The following KCNH1 variants were observed in gnomAD, a reference collection of about 807,000 sequenced individuals.
KCNH1 encodes potassium voltage-gated channel subfamily H member 1, also known as voltage-gated delayed rectifier potassium channel KCNH1.
In KCNH1, 27 loss-of-function variants were observed where a neutral mutation model predicts 69.2. The ratio of observed to expected loss-of-function variants is 0.39; its 90% CI spans 0.29 to 0.54. KCNH1 has a LOEUF of 0.54. Among genes scored for constraint, KCNH1 ranks in the 20% least tolerant of loss-of-function variants. KCNH1 has a pLI of 0.68. For missense variants in KCNH1, 798 were observed against 1,261.6 expected, an observed-to-expected ratio of 0.63 and a Z score of 5.57; for synonymous variants, 456 against 487.7, an observed-to-expected ratio of 0.93 and a Z score of 0.86.
At chr1:210,859,961 C>T (rs547062072) in intron 7 of KCNH1, 1 of 1,587,524 alleles carries the variant, frequency 6.3e-7, no homozygotes, top group Non-Finnish European at 8.6e-7. Context: ...GTTCACTTGT[C>T]TTAACCTCTC....
At chr1:210,824,690 A>G (rs1685000740) in intron 7 of KCNH1, among the ~76,000 whole-genome samples, 1 of 152,190 alleles carries the variant, frequency 6.6e-6, no homozygotes, top group African/African-American at 2.4e-5. Context: ...TTTTCAGGTA[A>G]CTAGGGATAG....
At chr1:210,711,866 CT>C (rs1242966596) in intron 10 of KCNH1, among the ~76,000 whole-genome samples, 1 of 152,184 alleles carries the variant, frequency 6.6e-6, no homozygotes, top group Non-Finnish European at 1.5e-5. Context: ...CAGTGGGGAA[CT>C]TGTGGCTCTC....
At chr1:210,754,197 G>T (rs1277897590) in intron 10 of KCNH1, among the ~76,000 whole-genome samples, 3 of 152,052 alleles carry the variant, frequency 2.0e-5, no homozygotes, top group Non-Finnish European at 4.4e-5. Context: ...GGGATTACAG[G>T]CATGAGCCAC....
At chr1:210,918,491 C>T (rs1044015969) in intron 7 of KCNH1, among the ~76,000 whole-genome samples, 5 of 152,188 alleles carry the variant, frequency 3.3e-5, no homozygotes, top group African/African-American at 1.2e-4. Flanking sequence ...CCAGTTAGGT[C>T]CCTTCCTACA....
chr1:210,989,297 C>T (rs1043078875), intron 6 of KCNH1, among the ~76,000 whole-genome samples: 1 of 152,106 alleles, frequency 6.6e-6, no homozygotes, highest in Non-Finnish European at 1.5e-5. Context: ...GAAGCAAAAA[C>T]AAAGGCAAAA....
At chr1:210,897,341 G>A (rs1686890481) in intron 7 of KCNH1, among the ~76,000 whole-genome samples, 1 of 152,204 alleles carries the variant, frequency 6.6e-6, no homozygotes. Flanking sequence ...GGAGATAATG[G>A]AGTGTCTGGC....
At chr1:210,983,975 A>C (rs1247492879) in intron 6 of KCNH1, among the ~76,000 whole-genome samples, 1 of 152,102 alleles carries the variant, frequency 6.6e-6, no homozygotes, top group Non-Finnish European at 1.5e-5. Flanking sequence ...TTGTCCTTGA[A>C]GGGGTCCTTC....
chr1:210,963,581 T>G (rs890144206), intron 6 of KCNH1, among the ~76,000 whole-genome samples: 14 of 152,012 alleles, frequency 9.2e-5, no homozygotes, highest in Admixed American at 7.9e-4. Flanking sequence ...AACAACCAGT[T>G]TATAGAAGAA....
intron 6 of KCNH1, among the ~76,000 whole-genome samples, chr1:210,995,284 T>A (rs937407071): frequency 1.3e-5 from 2 of 152,198 alleles, no homozygotes; most frequent in African/African-American, 2.4e-5. Flanking sequence ...GAACATAAAC[T>A]TGATGACTAG....
At chr1:211,031,287 G>A (rs1216165548) in intron 5 of KCNH1, among the ~76,000 whole-genome samples, 36 of 152,114 alleles carry the variant, frequency 2.4e-4, no homozygotes, top group Admixed American at 2.4e-3. Flanking sequence ...GAACCAGATG[G>A]ATTCACAGCC....
chr1:211,129,138 G>A (rs1029661133), intron 1 of KCNH1, among the ~76,000 whole-genome samples: 1 of 152,108 alleles, frequency 6.6e-6, no homozygotes, highest in African/African-American at 2.4e-5. Context: ...ACAGTTACAG[G>A]TGTGGCCACT....
chr1:210,795,545 C>T (rs1249561327), intron 9 of KCNH1, among the ~76,000 whole-genome samples: 1 of 152,138 alleles, frequency 6.6e-6, no homozygotes, highest in Non-Finnish European at 1.5e-5. Flanking sequence ...CAAATGTAAT[C>T]AAGAGAGTCA....
intron 10 of KCNH1, among the ~76,000 whole-genome samples, chr1:210,766,355 G>A (rs527276489): frequency 7.4e-4 from 112 of 152,186 alleles, no homozygotes; most frequent in Middle Eastern, 3.4e-3. Flanking sequence ...GAGAAACCCC[G>A]TCTCTACTAA....
intron 7 of KCNH1, among the ~76,000 whole-genome samples, chr1:210,899,143 A>C (rs1001059583): frequency 6.6e-6 from 1 of 152,158 alleles, no homozygotes; most frequent in African/African-American, 2.4e-5. Flanking sequence ...GGGTCCTTAC[A>C]TTCAAAATTA....
At chr1:210,861,741 A>T in intron 7 of KCNH1, 1 of 774,472 alleles carries the variant, frequency 1.3e-6, no homozygotes, top group Non-Finnish European at 2.4e-6. Flanking sequence ...GGATAAAATG[A>T]TCCTTTAGAA....
chr1:210,986,336 C>T lies in KCNH1; in HGVS notation c.1032+32447G>A, dbSNP rs1353928500. On this transcript the variant is annotated intron_variant, in intron 6 of 10. Transcript: ENST00000271751. Reference sequence around the variant, plus strand: ...TTTGATCCTGTCATTATGATGTTAGCTGATTATTTTGCTCATTAGTTGATG... The same window carrying T: ...TTTGATCCTGTCATTATGATGTTAGTTGATTATTTTGCTCATTAGTTGATG... Among the ~76,000 whole-genome samples, 5 of 152,300 alleles carry T rather than the reference C, an allele frequency of 3.3e-5. No homozygotes were observed. The East Asian group carries it at 9.6e-4, about 29-fold the overall frequency.
At chr1:211,107,483 C>T in intron 1 of KCNH1, 106 bp from the exon 2 acceptor site, 1 of 1,147,182 alleles carries the variant, frequency 8.7e-7, no homozygotes, top group Non-Finnish European at 1.2e-6. Context: ...TTTCTGATTC[C>T]CTCCAAAACA....
intron 10 of KCNH1, among the ~76,000 whole-genome samples, chr1:210,686,229 G>A (rs970593353): frequency 6.6e-6 from 1 of 152,150 alleles, no homozygotes; most frequent in Non-Finnish European, 1.5e-5. Context: ...TAGAGTGATT[G>A]GGACCCTTTT....
chr1:210,796,262 G>A (rs1684313427), intron 9 of KCNH1, among the ~76,000 whole-genome samples: 1 of 152,030 alleles, frequency 6.6e-6, no homozygotes, highest in South Asian at 2.1e-4. Flanking sequence ...GACCTCATCA[G>A]CCATGAGGAA....
Sources: allele counts gnomAD v4.1 joint callset (sites outside exome capture counted in the v4.1 genomes callset), GRCh38; gene constraint gnomAD v4.1.1; transcripts MANE v1.5; gene names NCBI Gene and HGNC (gene_info 2026-07-23, HGNC 2026-07-21).